Variants in ZFHX4 observed in about 807,000 individuals in gnomAD.
ZFHX4 encodes the protein zinc finger homeobox protein 4.
In ZFHX4, 56 loss-of-function variants were observed where a neutral mutation model predicts 267.6. The observed-to-expected ratio is 0.21, with a 90% CI of 0.17 to 0.26. The LOEUF is 0.26. Ranked by LOEUF, ZFHX4 falls within the 10% of genes least tolerant of loss-of-function variation. ZFHX4 has a pLI of 1.00. For missense variants in ZFHX4, 4,332 were observed against 4,420.0 expected (o/e 0.98, Z 0.56); for synonymous variants, 1,778 against 1,665.6 (o/e 1.07, Z -1.64).
chr8:76,835,196 C>T, intron 5 of ZFHX4, among the ~76,000 whole-genome samples: 1 of 60,310 alleles, frequency 1.7e-5, no homozygotes, highest in African/African-American at 9.8e-5. Context: ...TCCTCTAATC[C>T]TTTTGCTTTG....
chr8:76,707,903 G>C lies in ZFHX4; in HGVS notation c.2948G>C (p.Ser983Thr), dbSNP rs1035274825. 17 of 1,613,942 alleles carry C rather than the reference G, an allele frequency of 1.1e-5. No homozygotes were observed. Among genetic ancestry groups the C allele is most frequent in the Non-Finnish European group, 1.4e-5 (16 of 1,179,942 alleles). Residue 983 changes from serine to threonine, a missense_variant, in exon 3 of 11, where the codon AGC (serine) becomes ACC (threonine). Ser to Thr is a moderately conservative substitution (Grantham distance 58). Coordinates refer to ENST00000651372, the MANE Select transcript of ZFHX4 (RefSeq NM_024721.5). The stretch of plus-strand genomic sequence containing the variant: ...GCTCACATTAAAGAAGGGGGCAAAA[G>C]CAATGAGTGGAGGTTGAAGTGTATT... Reference protein sequence around the residue: ...LVAHIKEGGKSNEWRLKCIAI... With the variant: ...LVAHIKEGGKTNEWRLKCIAI...
At chr8:76,807,356 T>C (rs1303621562) in intron 4 of ZFHX4, among the ~76,000 whole-genome samples, 2 of 152,000 alleles carry the variant, frequency 1.3e-5, no homozygotes. Context: ...ATAGTGGATA[T>C]AATGAATGAA....
At chr8:76,717,186 AATTATT>A (rs891989898) in intron 3 of ZFHX4, among the ~76,000 whole-genome samples, 4 of 152,018 alleles carry the variant, frequency 2.6e-5, no homozygotes, top group African/African-American at 9.7e-5. Flanking sequence ...TCTTGTTTTG[AATTATT>A]ATTATTATTA....
intron 4 of ZFHX4, among the ~76,000 whole-genome samples, chr8:76,785,188 A>G (rs1376547584): frequency 2.0e-5 from 3 of 152,128 alleles, no homozygotes; most frequent in Non-Finnish European, 4.4e-5. Context: ...AGAAAATTGT[A>G]ATGTTTATAG....
intron 3 of ZFHX4, among the ~76,000 whole-genome samples, chr8:76,776,230 G>A: frequency 6.6e-6 from 1 of 151,932 alleles, no homozygotes; most frequent in African/African-American, 2.4e-5. Context: ...AAATGACATT[G>A]GTTGAATACC....
In ZFHX4 at chr8:76,853,338, T is replaced by A; in HGVS notation, c.6417T>A (p.Asp2139Glu). Residue 2139 changes from aspartate to glutamate, a missense_variant, in exon 10 of 11, where the codon GAT becomes GAA. This residue lies in a region of ZFHX4 where 48 missense variants were observed against 95.4 expected (regional missense o/e 0.50). Coordinates refer to ENST00000651372, the MANE Select transcript of ZFHX4 (RefSeq NM_024721.5). Reference sequence around the variant, plus strand: ...GCCCACGGACAAGAATTACAGATGATCAGCTAAAAATCCTGAGGGCTTATT... The same window carrying A: ...GCCCACGGACAAGAATTACAGATGAACAGCTAAAAATCCTGAGGGCTTATT... ...FKRPRTRITDDQLKILRAYFD... is the reference protein window; with the variant it reads ...FKRPRTRITDEQLKILRAYFD... 6.2e-7 allele frequency: 1 copy of A among 1,613,752 alleles called. No homozygotes were observed. The highest frequency in any genetic ancestry group is 8.5e-7 in the Non-Finnish European group (1 of 1,179,824).
chr8:76,777,170 AT>A (rs1391598810), intron 3 of ZFHX4, among the ~76,000 whole-genome samples: 2 of 152,148 alleles, frequency 1.3e-5, no homozygotes, highest in African/African-American at 4.8e-5. Context: ...TGCTATTCTT[AT>A]TTTGGGAATT....
chr8:76,820,908 T>C (rs1349810249), intron 4 of ZFHX4, among the ~76,000 whole-genome samples: 3 of 152,206 alleles, frequency 2.0e-5, no homozygotes, highest in Admixed American at 6.5e-5. Flanking sequence ...TATTATATGC[T>C]AAAACCAGAT....
chr8:76,715,832 T>C lies in ZFHX4; in HGVS notation c.3093+7784T>C, dbSNP rs75139866. ...TAAATATTAAAGTGTATGGAGATCA[T>C]ATTCTTTTGATTTAGAATTTCCTAT... is the stretch of plus-strand genomic sequence containing the variant. On this transcript the variant is annotated intron_variant, in intron 3 of 10. Coordinates refer to ENST00000651372, the MANE Select transcript of ZFHX4 (RefSeq NM_024721.5). 2.9e-3 allele frequency among the ~76,000 whole-genome samples: 442 copies of C among 152,344 alleles called. 2 individuals carry two copies. Among genetic ancestry groups the C allele is most frequent in the African/African-American group, 0.01 (426 of 41,578 alleles).
At chr8:76,751,276 T>C (rs1031645014) in intron 3 of ZFHX4, among the ~76,000 whole-genome samples, 1 of 152,136 alleles carries the variant, frequency 6.6e-6, no homozygotes, top group Non-Finnish European at 1.5e-5. Flanking sequence ...AAGAACTGAA[T>C]TGTCTAGTTG....
In ZFHX4 at chr8:76,706,463, T is replaced by G. The variant is rs758705006; in HGVS notation, c.2375T>G (p.Met792Arg). 1 of 1,614,108 alleles carries G rather than the reference T, an allele frequency of 6.2e-7. No homozygotes were observed. Among genetic ancestry groups the G allele is most frequent in the Non-Finnish European group, 8.5e-7 (1 of 1,179,984 alleles). ...LRIHMTSEKH[M>R]HNMMLLQQNM... is the part of the protein sequence containing the mutation. ...ATTCATATGACCAGCGAAAAGCACA[T>G]GCATAATATGATGCTTTTGCAGCAG... The change falls in exon 2 of 11, where the codon ATG (methionine) becomes AGG (arginine). Residue 792 changes from methionine (M) to arginine (R), a missense_variant. Physicochemically the swap from Met to Arg is moderately conservative, Grantham distance 91. Transcript: ENST00000651372.
rs1245093116 is a variant in ZFHX4, at chr8:76,854,257, C to T, written c.7336C>T (p.Pro2446Ser). The change falls in exon 10 of 11, where the codon CCA (proline) becomes TCA (serine). Residue 2446 changes from proline to serine, a missense_variant. Physicochemically the swap from Pro to Ser is moderately conservative, Grantham distance 74. Transcript: ENST00000651372. ...SDPPQASTAQ[P>S]QPQPQPPKQP... ...CCCACCACAGGCATCCACAGCCCAG[C>T]CACAGCCACAGCCACAGCCACCAAA... is the stretch of plus-strand genomic sequence containing the variant. 3.8e-6 allele frequency: 6 copies of T among 1,575,608 alleles called. No homozygotes were observed. Among genetic ancestry groups the T allele is most frequent in the South Asian group, 2.3e-5 (2 of 87,240 alleles).
chr8:76,717,839 C>T (rs897823148), intron 3 of ZFHX4, among the ~76,000 whole-genome samples: 2 of 152,136 alleles, frequency 1.3e-5, no homozygotes, highest in Admixed American at 6.5e-5. Context: ...TCAGGTGACC[C>T]GCCCCCCTCA....
At chr8:76,811,788 G>T (rs1683989537) in intron 4 of ZFHX4, among the ~76,000 whole-genome samples, 1 of 152,206 alleles carries the variant, frequency 6.6e-6, no homozygotes, top group South Asian at 2.1e-4. Context: ...GCCAGGCGTG[G>T]TGGCACATGC....
At chr8:76,813,496 C>T (rs1457737348) in intron 4 of ZFHX4, among the ~76,000 whole-genome samples, 1 of 152,076 alleles carries the variant, frequency 6.6e-6, no homozygotes, top group Admixed American at 6.6e-5. Flanking sequence ...TATTTAAAAA[C>T]CAAGCTGAAA....
intron 3 of ZFHX4, among the ~76,000 whole-genome samples, chr8:76,758,339 A>G (rs1809818797): frequency 1.3e-5 from 2 of 152,156 alleles, no homozygotes; most frequent in Non-Finnish European, 2.9e-5. Context: ...CAAAATAAAG[A>G]AACATGCGTA....
At chr8:76,771,415 T>C (rs1810260171) in intron 3 of ZFHX4, among the ~76,000 whole-genome samples, 1 of 151,896 alleles carries the variant, frequency 6.6e-6, no homozygotes, top group Non-Finnish European at 1.5e-5. Context: ...TTTTCTTCTC[T>C]TTTTTTTCTG....
chr8:76,733,701 G>T (rs1809081933), intron 3 of ZFHX4, among the ~76,000 whole-genome samples: 1 of 152,118 alleles, frequency 6.6e-6, no homozygotes, highest in African/African-American at 2.4e-5. Flanking sequence ...GCCCAGATCG[G>T]ATTTTCTCTT....
intron 1 of ZFHX4, among the ~76,000 whole-genome samples, chr8:76,697,208 A>G (rs1410771704): frequency 1.3e-5 from 2 of 151,998 alleles, no homozygotes; most frequent in East Asian, 3.9e-4. Context: ...AATCAATTTC[A>G]TATATGAATA....
Sources: allele counts gnomAD v4.1 joint callset (sites outside exome capture counted in the v4.1 genomes callset), GRCh38; gene constraint gnomAD v4.1.1; regional missense constraint gnomAD v4.1.1; transcripts MANE v1.5; gene names NCBI Gene and HGNC (gene_info 2026-07-23, HGNC 2026-07-21).